CHRNA7: variants seen among roughly 807,000 people sequenced by gnomAD.
CHRNA7 encodes cholinergic receptor nicotinic alpha 7 subunit.
A neutral mutation model predicts 48.0 loss-of-function variants in CHRNA7; 17 were observed. The ratio of observed to expected loss-of-function variants is 0.35; its 90% CI spans 0.24 to 0.53. The LOEUF (loss-of-function observed/expected upper bound fraction) is 0.53, where lower values mean the gene tolerates loss of function less well. Ranked by LOEUF, CHRNA7 falls within the 20% of genes least tolerant of loss-of-function variation. The pLI, the probability that CHRNA7 is intolerant of heterozygous loss-of-function variation, is 0.92. For missense variants in CHRNA7, 155 were observed against 577.7 expected (o/e 0.27, Z 7.50); for synonymous variants, 75 against 242.3 (o/e 0.31, Z 6.41).
chr15:32,093,729 C>G (rs1211848988), intron 2 of CHRNA7, among the ~76,000 whole-genome samples: 1 of 152,118 alleles, frequency 6.6e-6, no homozygotes, highest in Non-Finnish European at 1.5e-5. Flanking sequence ...CATCATGGGT[C>G]TTTCCTGGGA....
intron 4 of CHRNA7, among the ~76,000 whole-genome samples, chr15:32,144,048 G>A (rs2051436338): frequency 1.3e-5 from 2 of 152,194 alleles, no homozygotes. Context: ...TTTTTGCAGA[G>A]GCTGGTACCA....
At chr15:32,059,382 G>T (rs753534352) in intron 2 of CHRNA7, among the ~76,000 whole-genome samples, 1 of 152,122 alleles carries the variant, frequency 6.6e-6, no homozygotes, top group African/African-American at 2.4e-5. Context: ...TTTTCAGTTT[G>T]AACTATTGAT....
chr15:32,138,616 C>T (rs2051315924), intron 4 of CHRNA7, among the ~76,000 whole-genome samples: 1 of 152,074 alleles, frequency 6.6e-6, no homozygotes, highest in Non-Finnish European at 1.5e-5. Flanking sequence ...TGTATAATGA[C>T]CTGTATCGAC....
At chr15:32,062,733 C>G (rs942844323) in intron 2 of CHRNA7, among the ~76,000 whole-genome samples, 5 of 152,190 alleles carry the variant, frequency 3.3e-5, no homozygotes, top group Admixed American at 3.3e-4. Flanking sequence ...TGGCCATCTA[C>G]ACATTTGGGG....
chr15:32,087,675 C>G (rs777778026), intron 2 of CHRNA7, among the ~76,000 whole-genome samples: 19 of 152,302 alleles, frequency 1.2e-4, no homozygotes, highest in Non-Finnish European at 2.8e-4. Flanking sequence ...AAACTGATTT[C>G]TACACATGGC....
intron 2 of CHRNA7, among the ~76,000 whole-genome samples, chr15:32,076,278 T>A (rs1397340309): frequency 6.6e-6 from 1 of 152,212 alleles, no homozygotes; most frequent in Non-Finnish European, 1.5e-5. Context: ...TCTCCAGCTA[T>A]AATTGTGGAT....
At chr15:32,050,054 C>A (rs2049637202) in intron 2 of CHRNA7, among the ~76,000 whole-genome samples, 1 of 152,180 alleles carries the variant, frequency 6.6e-6, no homozygotes, top group Non-Finnish European at 1.5e-5. Context: ...GGTAACCCGA[C>A]CTTTCTCTCT....
At chr15:32,061,367 G>GT (rs946429603) in intron 2 of CHRNA7, among the ~76,000 whole-genome samples, 2 of 152,132 alleles carry the variant, frequency 1.3e-5, no homozygotes, top group Non-Finnish European at 2.9e-5. Flanking sequence ...TCAAATGGAG[G>GT]TGTCCATAAA....
intron 2 of CHRNA7, among the ~76,000 whole-genome samples, chr15:32,083,959 A>G (rs2050255524): frequency 6.6e-6 from 1 of 152,152 alleles, no homozygotes; most frequent in Admixed American, 6.5e-5. Context: ...GCACCTCACT[A>G]TTCATCAGTA....
intron 3 of CHRNA7, 164 bp downstream of exon 3, chr15:32,101,511 A>G (rs577594392): frequency 7.2e-6 from 5 of 692,438 alleles, no homozygotes; most frequent in Admixed American, 2.7e-5. Context: ...CCTGCCAACA[A>G]TGAATGCTGG....
intron 4 of CHRNA7, among the ~76,000 whole-genome samples, chr15:32,116,460 A>G (rs1204833632): frequency 3.3e-5 from 5 of 152,212 alleles, no homozygotes; most frequent in Non-Finnish European, 7.3e-5. Context: ...GGCACGAATA[A>G]AAGCGTCTCT....
intron 4 of CHRNA7, among the ~76,000 whole-genome samples, chr15:32,139,388 A>G (rs1434607431): frequency 6.6e-6 from 1 of 152,206 alleles, no homozygotes; most frequent in Admixed American, 6.5e-5. Context: ...AGGGAAGGCA[A>G]TTGTTGGATC....
intron 2 of CHRNA7, among the ~76,000 whole-genome samples, chr15:32,089,998 G>C (rs1393861210): frequency 6.6e-6 from 1 of 152,192 alleles, no homozygotes; most frequent in Non-Finnish European, 1.5e-5. Flanking sequence ...GTAGTTCACA[G>C]TAGTTATACT....
chr15:32,075,655 T>A (rs773843997), intron 2 of CHRNA7, among the ~76,000 whole-genome samples: 16 of 152,098 alleles, frequency 1.1e-4, no homozygotes, highest in Non-Finnish European at 1.5e-4. Flanking sequence ...CAGCTCTTTG[T>A]ATCATTGATT....
chr15:32,066,300 G>A (rs577038670), intron 2 of CHRNA7, among the ~76,000 whole-genome samples: 1 of 129,126 alleles, frequency 7.7e-6, no homozygotes, highest in East Asian at 2.2e-4. Flanking sequence ...TTTTTTTTTT[G>A]AGATGGAGTC....
At chr15:32,134,374 G>T (rs2051209759) in intron 4 of CHRNA7, among the ~76,000 whole-genome samples, 1 of 152,134 alleles carries the variant, frequency 6.6e-6, no homozygotes, top group African/African-American at 2.4e-5. Context: ...AGCCAGGCTG[G>T]TCTTGAACTC....
intron 2 of CHRNA7, among the ~76,000 whole-genome samples, chr15:32,096,695 C>A (rs1051936060): frequency 6.6e-6 from 1 of 151,782 alleles, no homozygotes; most frequent in Non-Finnish European, 1.5e-5. Context: ...AATGATGTTA[C>A]CCAGTAATTC....
At chr15:32,133,851 C>G (rs1310602974) in intron 4 of CHRNA7, among the ~76,000 whole-genome samples, 2 of 152,146 alleles carry the variant, frequency 1.3e-5, no homozygotes, top group Non-Finnish European at 2.9e-5. Flanking sequence ...GAGAAGTCCC[C>G]CTCCGGCCAG....
At chr15:32,079,880 A>G (rs1438649937) in intron 2 of CHRNA7, among the ~76,000 whole-genome samples, 2 of 152,290 alleles carry the variant, frequency 1.3e-5, no homozygotes, top group East Asian at 1.9e-4. Flanking sequence ...GAGCAGCATC[A>G]CTCTACCCAA....
Sources: gnomAD v4.1 joint callset for allele counts (sites outside exome capture counted in the v4.1 genomes callset) on GRCh38, gnomAD v4.1.1 for gene constraint, MANE v1.5 for transcripts, NCBI Gene and HGNC (gene_info 2026-07-23, HGNC 2026-07-21) for gene names.